Variants in SLIT3 observed in about 807,000 individuals in gnomAD.
SLIT3 encodes the protein slit homolog 3 protein.
A neutral mutation model predicts 184.0 loss-of-function variants in SLIT3; 68 were observed. That is an observed-to-expected ratio of 0.37 (90% confidence interval 0.30 to 0.45). The LOEUF (loss-of-function observed/expected upper bound fraction) is 0.45, where lower values mean the gene tolerates loss of function less well. Ranked by LOEUF, SLIT3 falls within the 20% of genes least tolerant of loss-of-function variation. The pLI is 1.00. For missense variants in SLIT3, 1,707 were observed against 2,026.0 expected (o/e 0.84, Z 3.02); for synonymous variants, 831 against 828.6 (o/e 1.00, Z -0.05).
chr5:168,956,242 C>G (rs562593218), intron 4 of SLIT3, among the ~76,000 whole-genome samples: 1 of 152,142 alleles, frequency 6.6e-6, no homozygotes, highest in Admixed American at 6.5e-5. Flanking sequence ...GAACAAAAGT[C>G]ATCTTCAAAA....
intron 3 of SLIT3, among the ~76,000 whole-genome samples, chr5:169,224,200 G>T (rs1236590164): frequency 6.6e-6 from 1 of 151,868 alleles, no homozygotes; most frequent in African/African-American, 2.4e-5. Flanking sequence ...TAGAGTAACG[G>T]TAAGAATTAA....
At chr5:169,089,416 G>A (rs1451341181) in intron 4 of SLIT3, among the ~76,000 whole-genome samples, 3 of 152,204 alleles carry the variant, frequency 2.0e-5, no homozygotes, top group Non-Finnish European at 4.4e-5. Flanking sequence ...CCAAGGCAGG[G>A]TTAGCAGGGG....
intron 3 of SLIT3, among the ~76,000 whole-genome samples, chr5:169,241,140 T>G (rs77377169): frequency 0.065 from 9,961 of 152,154 alleles, 401 homozygotes; most frequent in Middle Eastern, 0.12. Flanking sequence ...ACTTACAAAG[T>G]GTGTTTGTTT....
chr5:169,132,374 C>T (rs1285100303), intron 4 of SLIT3, among the ~76,000 whole-genome samples: 1 of 152,058 alleles, frequency 6.6e-6, no homozygotes, highest in African/African-American at 2.4e-5. Flanking sequence ...GTGTTATATC[C>T]ATTAAAACAC....
At chr5:168,710,098 T>C (rs1762506374) in intron 25 of SLIT3, 1 of 152,120 alleles carries the variant, frequency 6.6e-6, no homozygotes, top group South Asian at 2.1e-4. Context: ...AAAATGGAAA[T>C]ACTCGAAAGA....
At chr5:168,914,316 T>C (rs1761363475) in intron 4 of SLIT3, among the ~76,000 whole-genome samples, 1 of 152,068 alleles carries the variant, frequency 6.6e-6, no homozygotes, top group Non-Finnish European at 1.5e-5. Flanking sequence ...CTGTAGATCA[T>C]AGTCCCAGAG....
chr5:169,264,289 G>C (rs1766315438), intron 1 of SLIT3, among the ~76,000 whole-genome samples: 1 of 152,088 alleles, frequency 6.6e-6, no homozygotes, highest in South Asian at 2.1e-4. Context: ...CACCTCCTGG[G>C]TTCAAGGGAT....
At chr5:169,032,428 T>A (rs993479865) in intron 4 of SLIT3, among the ~76,000 whole-genome samples, 1 of 152,134 alleles carries the variant, frequency 6.6e-6, no homozygotes, top group African/African-American at 2.4e-5. Flanking sequence ...TTTAGAACAA[T>A]CACATTTGCT....
chr5:168,854,020 C>T (rs369494875), intron 5 of SLIT3, among the ~76,000 whole-genome samples: 33 of 152,178 alleles, frequency 2.2e-4, no homozygotes, highest in African/African-American at 5.1e-4. Context: ...GAGAGTAGGA[C>T]GAATTCTGAA....
chr5:169,234,484 T>C (rs35298584), intron 3 of SLIT3, among the ~76,000 whole-genome samples: 1 of 151,950 alleles, frequency 6.6e-6, no homozygotes, highest in Non-Finnish European at 1.5e-5. Context: ...TTGGCTCACC[T>C]CAACCTCCAC....
intron 34 of SLIT3, 135 bp downstream of exon 34, chr5:168,671,063 T>C: frequency 1.0e-6 from 1 of 985,832 alleles, no homozygotes; most frequent in South Asian, 1.6e-5. Flanking sequence ...CTTAAGCAGT[T>C]ACACTTACAC....
rs558629094 is a variant in SLIT3, at chr5:168,688,976, T to G, written c.3177-1860A>C. 2.0e-5 allele frequency among the ~76,000 whole-genome samples: 3 copies of G among 152,348 alleles called. No individual in the cohort carries two copies. In the East Asian group the frequency reaches 5.8e-4, roughly 29 times the overall value. ...TACTGGTGAGATCTTTATTAAGAAT[T>G]AGGGAAGCTATTCTCACTCTCAGAC... On this transcript the variant is annotated intron_variant, in intron 29 of 35. Coordinates refer to ENST00000519560, the MANE Select transcript of SLIT3 (RefSeq NM_003062.4).
At chr5:169,260,369 A>G (rs1358202943) in intron 1 of SLIT3, among the ~76,000 whole-genome samples, 2 of 152,140 alleles carry the variant, frequency 1.3e-5, no homozygotes, top group Non-Finnish European at 2.9e-5. Flanking sequence ...CACATCACAG[A>G]AAGGGCAAGG....
At chr5:168,996,260 C>A (rs1043356249) in intron 4 of SLIT3, among the ~76,000 whole-genome samples, 1 of 152,198 alleles carries the variant, frequency 6.6e-6, no homozygotes, top group Non-Finnish European at 1.5e-5. Context: ...GCCTGACCTG[C>A]AGGCCTCCTC....
intron 4 of SLIT3, among the ~76,000 whole-genome samples, chr5:169,082,789 C>T (rs899347218): frequency 1.3e-5 from 2 of 152,188 alleles, no homozygotes; most frequent in Non-Finnish European, 2.9e-5. Context: ...GTTTATCTTT[C>T]GACCTTACAT....
At chr5:169,132,188 G>T (rs1414402439) in intron 4 of SLIT3, among the ~76,000 whole-genome samples, 1 of 152,156 alleles carries the variant, frequency 6.6e-6, no homozygotes, top group Admixed American at 6.5e-5. Flanking sequence ...AAAAAGGAAG[G>T]GGGAAAAGGC....
intron 4 of SLIT3, among the ~76,000 whole-genome samples, chr5:169,125,842 A>C (rs1450961999): frequency 1.3e-5 from 2 of 152,218 alleles, no homozygotes; most frequent in African/African-American, 4.8e-5. Context: ...AAGCCTGGGA[A>C]CAGGGGCTCA....
chr5:169,105,779 C>A (rs1760181240), intron 4 of SLIT3, among the ~76,000 whole-genome samples: 1 of 152,202 alleles, frequency 6.6e-6, no homozygotes, highest in African/African-American at 2.4e-5. Context: ...CTGCAAAGGA[C>A]ATCATCTTAT....
intron 3 of SLIT3, among the ~76,000 whole-genome samples, chr5:169,199,857 C>T (rs569777964): frequency 1.3e-5 from 2 of 152,156 alleles, no homozygotes; most frequent in Admixed American, 6.5e-5. Context: ...CTAAAAAGTC[C>T]TTTGCGTCCC....
Sources: allele counts gnomAD v4.1 joint callset (sites outside exome capture counted in the v4.1 genomes callset), GRCh38; gene constraint gnomAD v4.1.1; transcripts MANE v1.5; gene names NCBI Gene and HGNC (gene_info 2026-07-23, HGNC 2026-07-21).